The following GTF2A1L variants were observed in gnomAD, a reference collection of about 807,000 sequenced individuals.
GTF2A1L encodes general transcription factor IIA subunit 1 like.
A neutral mutation model predicts 49.7 loss-of-function variants in GTF2A1L; 48 were observed. The observed-to-expected ratio is 0.97, with a 90% CI of 0.77 to 1.23. GTF2A1L has a LOEUF of 1.23. Among genes scored for constraint, GTF2A1L ranks in the 50% most tolerant of loss-of-function variants. The pLI is 0.00. For missense variants in GTF2A1L, 736 were observed against 564.8 expected, an observed-to-expected ratio of 1.30 and a Z score of -3.07; for synonymous variants, 246 against 193.5, an observed-to-expected ratio of 1.27 and a Z score of -2.25.
rs151207623 is a variant in GTF2A1L, at chr2:48,641,674, C to T, written c.248-728C>T. ...CCTTCTACTGTAGTTATTATTTTTTCTTTATGCTTATTTTTAAATGATAGA... is the reference window on the plus strand; with the variant it reads ...CCTTCTACTGTAGTTATTATTTTTTTTTTATGCTTATTTTTAAATGATAGA... On this transcript the variant is annotated intron_variant, in intron 3 of 8. Transcript: ENST00000403751. Among the ~76,000 whole-genome samples, 417 of 152,102 alleles carry T rather than the reference C, an allele frequency of 2.7e-3. 6 individuals carry two copies. The highest frequency in any genetic ancestry group is 9.8e-3 in the African/African-American group (406 of 41,510).
At chr2:48,628,515 T>C (rs2104096456) in intron 3 of GTF2A1L, among the ~76,000 whole-genome samples, 1 of 144,588 alleles carries the variant, frequency 6.9e-6, no homozygotes, top group African/African-American at 2.5e-5. Context: ...CACTTCTATA[T>C]CTTTTGAGAA....
chr2:48,637,741 A>G (rs1676983685), intron 3 of GTF2A1L, among the ~76,000 whole-genome samples: 2 of 152,192 alleles, frequency 1.3e-5, no homozygotes, highest in South Asian at 4.1e-4. Context: ...ACTACTAAAG[A>G]GAGAAGATCC....
In GTF2A1L at chr2:48,625,068, T is replaced by C. The variant is rs545476595; in HGVS notation, c.247+3778T>C. Among the ~76,000 whole-genome samples, 17 of 144,184 alleles carry C rather than the reference T, an allele frequency of 1.2e-4. 6 individuals carry two copies. The South Asian group carries it at 4.0e-3, about 34-fold the overall frequency. The allele number at this position is 144,184 out of a possible 152,430, so 94.6% of individuals were successfully genotyped here. On this transcript the variant is annotated intron_variant, in intron 3 of 8. Coordinates refer to ENST00000403751, the MANE Select transcript of GTF2A1L (RefSeq NM_006872.5). ...AGGTAGTAGTTTAATTTCCTTTGGG[T>C]ATATATCCATAAGAAGGATTGCTGA...
intron 6 of GTF2A1L, among the ~76,000 whole-genome samples, chr2:48,667,268 T>C (rs1678905517): frequency 6.6e-6 from 1 of 152,148 alleles, no homozygotes; most frequent in Non-Finnish European, 1.5e-5. Flanking sequence ...CTCATTAATT[T>C]TGATTGAATG....
At chr2:48,666,286 A>G (rs1004731382) in intron 6 of GTF2A1L, among the ~76,000 whole-genome samples, 1 of 150,870 alleles carries the variant, frequency 6.6e-6, no homozygotes, top group Non-Finnish European at 1.5e-5. Flanking sequence ...GCTCACTGCA[A>G]CCTCTGCCTT....
rs1677553639 is a variant in GTF2A1L at position 48,646,950 on chromosome 2, CT to C, written c.888del (p.His297IlefsTer13). 5.6e-6 allele frequency: 9 copies of C among 1,614,152 alleles called. No individual in the cohort carries two copies. The highest frequency in any genetic ancestry group is 7.6e-6 in the Non-Finnish European group (9 of 1,180,022). ...ALHQHVTDIQ[L>X]HILKNRMYGC... is the part of the protein sequence containing the mutation. ...CCACCAGCACGTGACTGATATTCAG[CT>C]TCATATTCTTAAAAATAGGATGTAT... On this transcript the variant is annotated frameshift_variant, in exon 6 of 9. Transcript: ENST00000403751. LOFTEE classifies it high-confidence loss of function.
At chr2:48,679,266 T>C in intron 8 of GTF2A1L, 69 bp from the exon 9 acceptor site, 2 of 1,561,164 alleles carry the variant, frequency 1.3e-6, no homozygotes, top group African/African-American at 1.4e-5. Flanking sequence ...CCATTTACTG[T>C]AGCAGAGAAA....
chr2:48,651,778 A>G (rs1054963602), intron 6 of GTF2A1L, among the ~76,000 whole-genome samples: 1 of 152,208 alleles, frequency 6.6e-6, no homozygotes, highest in Non-Finnish European at 1.5e-5. Flanking sequence ...TCAAAGGACA[A>G]TGCTTGAAGC....
At chr2:48,674,374 C>CT (rs375168850) in intron 8 of GTF2A1L, among the ~76,000 whole-genome samples, 39 of 148,582 alleles carry the variant, frequency 2.6e-4, no homozygotes, top group African/African-American at 4.7e-4. Context: ...CATATTTAGC[C>CT]TTTTTTTTTT....
chr2:48,631,534 T>A (rs1483375821), intron 3 of GTF2A1L, among the ~76,000 whole-genome samples: 1 of 152,054 alleles, frequency 6.6e-6, no homozygotes, highest in Non-Finnish European at 1.5e-5. Flanking sequence ...ATCTAGTTAG[T>A]GTTCTATCGA....
intron 8 of GTF2A1L, among the ~76,000 whole-genome samples, chr2:48,676,790 A>C (rs1679488646): frequency 6.6e-6 from 1 of 151,628 alleles, no homozygotes; most frequent in Non-Finnish European, 1.5e-5. Context: ...TGTTTTCTTC[A>C]AGTATTTCAT....
intron 3 of GTF2A1L, among the ~76,000 whole-genome samples, chr2:48,622,805 G>A (rs1054480470): frequency 5.4e-5 from 8 of 148,404 alleles, no homozygotes; most frequent in Admixed American, 2.0e-4. Flanking sequence ...CTGCATTCCA[G>A]CCTGGGCGAC....
chr2:48,646,607 A>G lies in GTF2A1L; in HGVS notation c.543A>G (p.Gln181=), dbSNP rs1373833068. The part of the protein sequence containing the change: ...SVPQLNPWSL[Q]ATTEKSQRIE... ...CACAATTGAATCCATGGTCTCTTCA[A>G]GCAACTACTGAAAAATCACAGAGAA... The change falls in exon 6 of 9, where the codon CAA becomes CAG. Residue 181 remains glutamine (Q), a synonymous_variant. Transcript: ENST00000403751. 6.2e-7 allele frequency: 1 copy of G among 1,614,200 alleles called. No homozygotes were observed. Among genetic ancestry groups the G allele is most frequent in the Non-Finnish European group, 8.5e-7 (1 of 1,180,030 alleles).
chr2:48,633,645 C>T (rs1482442981), intron 3 of GTF2A1L, among the ~76,000 whole-genome samples: 1 of 152,130 alleles, frequency 6.6e-6, no homozygotes, highest in Admixed American at 6.5e-5. Context: ...TGTAGATGTC[C>T]ATGAGGTCCA....
intron 6 of GTF2A1L, among the ~76,000 whole-genome samples, chr2:48,650,299 T>C (rs999624882): frequency 1.3e-5 from 2 of 152,096 alleles, no homozygotes; most frequent in African/African-American, 4.8e-5. Context: ...GATCAAATCA[T>C]TGGGCCATTA....
At chr2:48,648,267 A>G (rs904467176) in intron 6 of GTF2A1L, among the ~76,000 whole-genome samples, 3 of 152,140 alleles carry the variant, frequency 2.0e-5, no homozygotes. Context: ...TTAGTAAATA[A>G]ATGTAGGTTA....
chr2:48,635,136 A>G (rs574729640), intron 3 of GTF2A1L, among the ~76,000 whole-genome samples: 21 of 152,166 alleles, frequency 1.4e-4, no homozygotes, highest in Admixed American at 1.2e-3. Flanking sequence ...CTGCATCAAG[A>G]TCTCTGCATA....
intron 6 of GTF2A1L, among the ~76,000 whole-genome samples, chr2:48,663,182 C>T (rs1049244537): frequency 4.6e-5 from 7 of 151,998 alleles, no homozygotes; most frequent in African/African-American, 1.7e-4. Flanking sequence ...ACCTGTAATC[C>T]CAGTACTTTG....
At chr2:48,655,762 C>G (rs76788284) in intron 6 of GTF2A1L, among the ~76,000 whole-genome samples, 1 of 152,074 alleles carries the variant, frequency 6.6e-6, no homozygotes, top group Non-Finnish European at 1.5e-5. Flanking sequence ...TAAGTATATT[C>G]ACATTGTTGT....
Sources: gnomAD v4.1 joint callset for allele counts (sites outside exome capture counted in the v4.1 genomes callset) on GRCh38, gnomAD v4.1.1 for gene constraint, MANE v1.5 for transcripts, NCBI Gene and HGNC (gene_info 2026-07-23, HGNC 2026-07-21) for gene names.